CD5: variants seen among roughly 807,000 people sequenced by gnomAD.
The protein encoded by CD5 is T-cell surface glycoprotein CD5.
In CD5, 36 loss-of-function variants were observed where a neutral mutation model predicts 60.3. That is an observed-to-expected ratio of 0.60 (90% CI 0.46 to 0.79). The LOEUF is 0.79. Ranked by LOEUF, CD5 falls within the 30% of genes least tolerant of loss-of-function variation. CD5 has a pLI of 0.00. For synonymous variants in CD5, 230 were observed against 257.6 expected (o/e 0.89, Z 1.03); for missense variants, 540 against 630.6 (o/e 0.86, Z 1.54).
intron 6 of CD5, among the ~76,000 whole-genome samples, chr11:61,122,312 G>GA (rs1565187127): frequency 1.2e-4 from 6 of 50,600 alleles, no homozygotes; most frequent in African/African-American, 6.6e-4. Context: ...GGGTGGGTGG[G>GA]TGGATGGATG....
intron 1 of CD5, 34 bp downstream of exon 1, chr11:61,102,649 C>T (rs756651920): frequency 1.3e-5 from 20 of 1,534,064 alleles, no homozygotes; most frequent in Middle Eastern, 3.4e-4. Flanking sequence ...TGCGAACACC[C>T]GGGCTCGCTC....
intron 1 of CD5, among the ~76,000 whole-genome samples, chr11:61,105,970 C>G (rs1282472537): frequency 6.6e-6 from 1 of 151,886 alleles, no homozygotes; most frequent in African/African-American, 2.4e-5. Flanking sequence ...ACTAAAAATA[C>G]AAAAATTAGC....
At chr11:61,100,694 A>C (rs1303825995), upstream of CD5, among the ~76,000 whole-genome samples, 2 of 143,582 alleles carry the variant, frequency 1.4e-5, no homozygotes, top group African/African-American at 5.3e-5. Context: ...ATCAACATGG[A>C]GATCACAAAC....
intron 2 of CD5, among the ~76,000 whole-genome samples, chr11:61,116,666 CCACACA>C (rs376831211): frequency 5.3e-5 from 1 of 18,706 alleles, no homozygotes; most frequent in African/African-American, 8.6e-5. Flanking sequence ...ACCACACACA[CCACACA>C]CACACACTAC....
At chr11:61,102,452 C>CT, upstream of CD5, 1 of 651,242 alleles carries the variant, frequency 1.5e-6, no homozygotes, top group Non-Finnish European at 2.7e-6. Flanking sequence ...CCACCCCTCC[C>CT]TGAGCACGCC....
At chr11:61,099,289 G>A (rs1483190718), upstream of CD5, among the ~76,000 whole-genome samples, 1 of 149,762 alleles carries the variant, frequency 6.7e-6, no homozygotes, top group African/African-American at 2.5e-5. Flanking sequence ...CATCAACGTG[G>A]AGCTCATACA....
chr11:61,107,765 C>G (rs1376208878), intron 1 of CD5, among the ~76,000 whole-genome samples: 1 of 152,134 alleles, frequency 6.6e-6, no homozygotes, highest in African/African-American at 2.4e-5. Flanking sequence ...TTCATGGTGT[C>G]CAGAGGGACC....
chr11:61,123,765 C>T, intron 7 of CD5, 119 bp from the exon 8 acceptor site: 1 of 769,636 alleles, frequency 1.3e-6, no homozygotes, highest in Non-Finnish European at 2.2e-6. Context: ...GCAGCCCTGC[C>T]CTCAGCTGCA....
At chr11:61,124,012 C>G in intron 8 of CD5, 75 bp downstream of exon 8, 1 of 1,186,324 alleles carries the variant, frequency 8.4e-7, no homozygotes, top group Non-Finnish European at 1.3e-6. Context: ...AGGCTCTCTG[C>G]TGACCACAGA....
At chr11:61,107,285 T>C (rs762099193) in intron 1 of CD5, among the ~76,000 whole-genome samples, 11 of 152,126 alleles carry the variant, frequency 7.2e-5, no homozygotes, top group Admixed American at 2.0e-4. Flanking sequence ...CAGTGGGGGA[T>C]CGATGAGGCA....
At chr11:61,097,564 G>C (rs1231712225), upstream of CD5, among the ~76,000 whole-genome samples, 1 of 152,184 alleles carries the variant, frequency 6.6e-6, no homozygotes, top group Admixed American at 6.5e-5. Flanking sequence ...TACTGGATAT[G>C]TGGGCATAGA....
chr11:61,101,070 AC>A (rs1201508345), upstream of CD5, among the ~76,000 whole-genome samples: 2 of 105,116 alleles, frequency 1.9e-5, no homozygotes, highest in Non-Finnish European at 3.8e-5. Flanking sequence ...CATGGAGATC[AC>A]ATTCGCACAC....
chr11:61,103,077 C>T (rs982723504), intron 1 of CD5, among the ~76,000 whole-genome samples: 1 of 152,156 alleles, frequency 6.6e-6, no homozygotes. Context: ...GACAGTGGGC[C>T]GAGGCAGGGT....
rs771742660 is a variant in CD5 at position 61,121,787 on chromosome 11, C to T, written c.982C>T (p.Arg328Ter). 25 of 1,611,570 alleles carry T rather than the reference C, an allele frequency of 1.6e-5. No individual in the cohort carries two copies. Among genetic ancestry groups the T allele is most frequent in the South Asian group, 1.2e-4 (11 of 90,880 alleles). The change falls in exon 6 of 11, where the codon CGA (arginine) becomes TGA (stop). Residue 328 changes from arginine to a stop codon, truncating the protein, a stop_gained. Coordinates refer to ENST00000347785, the MANE Select transcript of CD5 (RefSeq NM_014207.4). LOFTEE classifies it high-confidence loss of function. ...EQQCGSVNSYRVLDAGDPTSR... is the reference protein window; with the variant it reads ...EQQCGSVNSY ...GCAGTGTGGCAGCGTCAACTCCTATCGAGTGCTGGACGCTGGTGACCCAAC... is the reference window on the plus strand; with the variant it reads ...GCAGTGTGGCAGCGTCAACTCCTATTGAGTGCTGGACGCTGGTGACCCAAC...
chr11:61,100,813 C>A (rs1474981583), upstream of CD5, among the ~76,000 whole-genome samples: 1 of 118,492 alleles, frequency 8.4e-6, no homozygotes, highest in Non-Finnish European at 1.7e-5. Context: ...ACACACACAT[C>A]AACATGGAGA....
chr11:61,118,534 G>C lies in CD5; in HGVS notation c.400+54G>C. ...CCTGGGCCTGGGCGCCAGCCCCGAGGAGACTGCCCGAGGCCTGTGATCTAG... is the reference window on the plus strand; with the variant it reads ...CCTGGGCCTGGGCGCCAGCCCCGAGCAGACTGCCCGAGGCCTGTGATCTAG... On this transcript the variant is annotated intron_variant, in intron 3 of 10. Transcript: ENST00000347785. The surrounding 1 kb of genome is among the most constrained non-coding windows in gnomAD (Gnocchi z 4.7). 1 of 1,549,190 alleles carries C rather than the reference G, an allele frequency of 6.5e-7. No homozygotes were observed. The highest frequency in any genetic ancestry group is 1.2e-5 in the South Asian group (1 of 85,476).
chr11:61,110,871 T>C (rs1053119019), intron 1 of CD5, among the ~76,000 whole-genome samples: 13 of 151,918 alleles, frequency 8.6e-5, no homozygotes, highest in African/African-American at 3.1e-4. Context: ...GTGACAGTGA[T>C]GGTGATGATG....
chr11:61,106,963 C>T (rs1317796990), intron 1 of CD5, among the ~76,000 whole-genome samples: 5 of 152,120 alleles, frequency 3.3e-5, no homozygotes, highest in Non-Finnish European at 1.5e-5. Context: ...GAGGACACAG[C>T]AGTGAACAAA....
intron 7 of CD5, 130 bp downstream of exon 7, chr11:61,123,162 A>T (rs1052110633): frequency 9.3e-7 from 1 of 1,076,340 alleles, no homozygotes; most frequent in African/African-American, 1.6e-5. Flanking sequence ...TTCACCACCC[A>T]GCCTTCCCCT....
Sources: allele counts gnomAD v4.1 joint callset (sites outside exome capture counted in the v4.1 genomes callset), GRCh38; gene constraint gnomAD v4.1.1; non-coding constraint Gnocchi (gnomAD v3.1); transcripts MANE v1.5; gene names NCBI Gene and HGNC (gene_info 2026-07-23, HGNC 2026-07-21).